The following CCDC148 variants were observed in gnomAD, a reference collection of about 807,000 sequenced individuals.
The protein encoded by CCDC148 is coiled-coil domain containing 148, also known as coiled-coil domain-containing protein 148.
CCDC148 carries 89 observed loss-of-function variants against 85.7 expected under a neutral mutation model. The observed-to-expected ratio is 1.04, with a 90% CI of 0.87 to 1.24. The LOEUF (loss-of-function observed/expected upper bound fraction) is 1.24. CCDC148 is among the 50% of genes most tolerant of loss of function. The probability of loss-of-function intolerance (pLI) is 0.00; values close to 1 mark genes in which losing one functional copy is unlikely to be tolerated. For missense variants in CCDC148, 692 were observed against 671.7 expected (o/e 1.03, Z -0.33); for synonymous variants, 230 against 213.9 (o/e 1.08, Z -0.66).
At chr2:158,187,034 C>T (rs1685188479) in intron 11 of CCDC148, among the ~76,000 whole-genome samples, 1 of 152,016 alleles carries the variant, frequency 6.6e-6, no homozygotes, top group Non-Finnish European at 1.5e-5. Context: ...TTCAACACTG[C>T]TCCAGAATTA....
At position 158,418,534 on chromosome 2, in the gene CCDC148, G is replaced by A. The variant is rs546031862; in HGVS notation, c.25+37881C>T. 1.1e-3 allele frequency among the ~76,000 whole-genome samples: 169 copies of A among 152,128 alleles called. 1 individual carries two copies. Among genetic ancestry groups the A allele is most frequent in the African/African-American group, 3.9e-3 (160 of 41,500 alleles). Reference sequence around the variant, plus strand: ...GTTCATTTCTGCCTCCAAGTCTGTTGCATTTGTTTGGGAAGTAGTTCCCAA... The same window carrying A: ...GTTCATTTCTGCCTCCAAGTCTGTTACATTTGTTTGGGAAGTAGTTCCCAA... On this transcript the variant is annotated intron_variant, in intron 1 of 13. Transcript: ENST00000283233.
At chr2:158,206,099 T>C (rs1686227528) in intron 11 of CCDC148, among the ~76,000 whole-genome samples, 1 of 152,132 alleles carries the variant, frequency 6.6e-6, no homozygotes, top group Non-Finnish European at 1.5e-5. Context: ...TGTTTTAGTG[T>C]GTTTATTCCT....
intron 10 of CCDC148, among the ~76,000 whole-genome samples, chr2:158,246,703 T>A (rs553096788): frequency 6.6e-6 from 1 of 152,274 alleles, no homozygotes; most frequent in South Asian, 2.1e-4. Context: ...ATAGGACTTG[T>A]CCAGATACAA....
At chr2:158,208,217 A>C (rs943773300) in intron 11 of CCDC148, among the ~76,000 whole-genome samples, 6 of 152,208 alleles carry the variant, frequency 3.9e-5, no homozygotes, top group Admixed American at 3.9e-4. Context: ...AAGCGAGTAC[A>C]TTTTGGGTTG....
intron 3 of CCDC148, 62 bp downstream of exon 3, chr2:158,345,153 G>T: frequency 8.7e-7 from 1 of 1,143,150 alleles, no homozygotes; most frequent in South Asian, 1.4e-5. Flanking sequence ...TAGAACATCT[G>T]ACAAGATAAG....
At chr2:158,280,593 T>A (rs1436767387) in intron 9 of CCDC148, among the ~76,000 whole-genome samples, 3 of 152,176 alleles carry the variant, frequency 2.0e-5, no homozygotes, top group Non-Finnish European at 4.4e-5. Flanking sequence ...TAAATATATA[T>A]GCACCCAATA....
At chr2:158,182,132 A>G (rs1684935768) in intron 11 of CCDC148, among the ~76,000 whole-genome samples, 1 of 152,130 alleles carries the variant, frequency 6.6e-6, no homozygotes, top group Non-Finnish European at 1.5e-5. Flanking sequence ...GAGGTGAAAG[A>G]ATTAAGTTCA....
Position 158,340,250 on chromosome 2 carries a change from A to T in CCDC148, c.478T>A (p.Leu160Met), listed in dbSNP as rs1341408551. 6.2e-7 allele frequency: 1 copy of T among 1,613,770 alleles called. No individual in the cohort carries two copies. The highest frequency in any genetic ancestry group is 1.1e-5 in the South Asian group (1 of 91,040). Residue 160 changes from leucine to methionine, a missense_variant, in exon 5 of 14, where the codon TTG becomes ATG. Transcript: ENST00000283233. ...PHIEFNSMKV[L>M]EEVDFVKKQL... ...AAAGGTAACATACTAACCTCTTCCAATACTTTCATGGAGTTAAACTCAATA... is the reference window on the plus strand; with the variant it reads ...AAAGGTAACATACTAACCTCTTCCATTACTTTCATGGAGTTAAACTCAATA...
chr2:158,357,011 C>T (rs1056245920), intron 2 of CCDC148, among the ~76,000 whole-genome samples: 2 of 149,056 alleles, frequency 1.3e-5, no homozygotes, highest in African/African-American at 5.0e-5. Context: ...TATTCTCACT[C>T]ATAGGTGGGA....
intron 9 of CCDC148, among the ~76,000 whole-genome samples, chr2:158,303,485 C>A (rs1279465820): frequency 6.6e-6 from 1 of 151,930 alleles, no homozygotes; most frequent in Non-Finnish European, 1.5e-5. Flanking sequence ...AGTTTCCTTC[C>A]AGGTTAAAAA....
At chr2:158,398,687 C>T (rs180861014) in intron 1 of CCDC148, among the ~76,000 whole-genome samples, 36 of 152,020 alleles carry the variant, frequency 2.4e-4, no homozygotes, top group Non-Finnish European at 4.6e-4. Context: ...GATCTAAAAT[C>T]GACACCATAA....
intron 1 of CCDC148, among the ~76,000 whole-genome samples, chr2:158,369,787 G>A (rs753047553): frequency 7.2e-5 from 11 of 152,202 alleles, no homozygotes; most frequent in Non-Finnish European, 1.6e-4. Context: ...TGCCCATTCA[G>A]TATGATATTA....
intron 7 of CCDC148, among the ~76,000 whole-genome samples, chr2:158,328,080 A>T (rs1417043139): frequency 6.6e-6 from 1 of 151,880 alleles, no homozygotes; most frequent in East Asian, 1.9e-4. Flanking sequence ...TTAGTCATGT[A>T]TGTATACATG....
chr2:158,203,397 C>T (rs1331326632), intron 11 of CCDC148, among the ~76,000 whole-genome samples: 1 of 152,156 alleles, frequency 6.6e-6, no homozygotes, highest in East Asian at 1.9e-4. Flanking sequence ...TGATCCTGAA[C>T]CACGATGTTT....
At chr2:158,261,352 A>G (rs887824716) in intron 9 of CCDC148, among the ~76,000 whole-genome samples, 16 of 151,924 alleles carry the variant, frequency 1.1e-4, no homozygotes, top group African/African-American at 3.9e-4. Flanking sequence ...TCCTTACATC[A>G]TATATAAAAA....
At chr2:158,362,570 T>C (rs28755412) in intron 1 of CCDC148, among the ~76,000 whole-genome samples, 2,322 of 152,244 alleles carry the variant, frequency 0.015, 28 homozygotes, top group Middle Eastern at 0.078. Flanking sequence ...GAATGACTAC[T>C]GGGTAAATAA....
At position 158,367,811 on chromosome 2, in the gene CCDC148, C is replaced by T. The variant is rs559183421; in HGVS notation, c.26-9241G>A. Among the ~76,000 whole-genome samples, 15 of 152,190 alleles carry T rather than the reference C, an allele frequency of 9.9e-5. No homozygotes were observed. The South Asian group carries it at 1.0e-3, about 11-fold the overall frequency. ...TCATGTATAATTTCTACTTGCCTTT[C>T]AAAAACATTGAGGGCCTGTGAACTA... On this transcript the variant is annotated intron_variant, in intron 1 of 13. Coordinates refer to ENST00000283233, the MANE Select transcript of CCDC148 (RefSeq NM_138803.4).
chr2:158,455,536 C>G (rs1299098650), intron 1 of CCDC148, among the ~76,000 whole-genome samples: 1 of 152,190 alleles, frequency 6.6e-6, no homozygotes, highest in Non-Finnish European at 1.5e-5. Context: ...GCAGCTTGCA[C>G]ACACATTAAC....
chr2:158,446,982 ATGTTTTGTTT>A (rs981616857), intron 1 of CCDC148, among the ~76,000 whole-genome samples: 1 of 152,080 alleles, frequency 6.6e-6, no homozygotes, highest in Non-Finnish European at 1.5e-5. Flanking sequence ...CGAGTATGCC[ATGTTTTGTTT>A]TGTCAATCAT....
Sources: gnomAD v4.1 joint callset for allele counts (sites outside exome capture counted in the v4.1 genomes callset) on GRCh38, gnomAD v4.1.1 for gene constraint, MANE v1.5 for transcripts, NCBI Gene and HGNC (gene_info 2026-07-23, HGNC 2026-07-21) for gene names.